The following EFCAB6 variants were observed in gnomAD, a reference collection of about 807,000 sequenced individuals.
The protein encoded by EFCAB6 is EF-hand calcium binding domain 6, also known as EF-hand calcium-binding domain-containing protein 6.
Under a neutral mutation model 169.8 loss-of-function variants are expected in EFCAB6, and 156 were observed. The ratio of observed to expected loss-of-function variants is 0.92; its 90% CI spans 0.81 to 1.05. The LOEUF (loss-of-function observed/expected upper bound fraction) is 1.05, where lower values mean the gene tolerates loss of function less well. Among genes scored for constraint, EFCAB6 ranks in the 50% least tolerant of loss-of-function variants. EFCAB6 has a pLI of 0.00. For synonymous variants in EFCAB6, 698 were observed against 676.4 expected, an observed-to-expected ratio of 1.03 and a Z score of -0.50; for missense variants, 1,800 against 1,829.1, an observed-to-expected ratio of 0.98 and a Z score of 0.29.
intron 27 of EFCAB6, among the ~76,000 whole-genome samples, chr22:43,542,049 A>G (rs1602147953): frequency 6.6e-6 from 1 of 152,270 alleles, no homozygotes. Flanking sequence ...CTCATGGAGC[A>G]GGAGAGGACG....
chr22:43,637,042 G>T (rs1287481603), intron 17 of EFCAB6, among the ~76,000 whole-genome samples: 1 of 152,200 alleles, frequency 6.6e-6, no homozygotes, highest in Non-Finnish European at 1.5e-5. Context: ...CTGCCATGGA[G>T]CCCTGGTGTC....
In EFCAB6 at chr22:43,537,458, C is replaced by T. The variant is rs1192806859; in HGVS notation, c.3967G>A (p.Gly1323Ser). Residue 1323 changes from glycine to serine, a missense_variant, in exon 29 of 32, where the codon GGC (glycine) becomes AGC (serine). Coordinates refer to ENST00000262726, the MANE Select transcript of EFCAB6 (RefSeq NM_022785.4). The surrounding 1 kb of genome is among the most constrained non-coding windows in gnomAD (Gnocchi z 4.3). ...TCTTTCAGGAGCTGGCGCCAGCAGC[C>T]CTGGATTCTCTTCCGGAGCCTGCTC... ...IESRLRKRIQGCWRQLLKECK... is the reference protein window; with the variant it reads ...IESRLRKRIQSCWRQLLKECK... 1.2e-6 allele frequency: 2 copies of T among 1,614,146 alleles called. No individual in the cohort carries two copies. The highest frequency in any genetic ancestry group is 3.3e-5 in the Admixed American group (2 of 60,018).
At chr22:43,637,477 G>A (rs1249385785) in intron 17 of EFCAB6, among the ~76,000 whole-genome samples, 6 of 152,216 alleles carry the variant, frequency 3.9e-5, no homozygotes, top group Non-Finnish European at 8.8e-5. Context: ...CTGTATCTAC[G>A]CTGGTCCAAT....
intron 10 of EFCAB6, 49 bp downstream of exon 10, chr22:43,711,426 C>T (rs200429956): frequency 3.1e-5 from 46 of 1,500,298 alleles, no homozygotes; most frequent in East Asian, 9.5e-5. Context: ...CTTATTCTTA[C>T]GGTTGACGTT....
At chr22:43,565,790 A>T (rs1211429943) in intron 26 of EFCAB6, among the ~76,000 whole-genome samples, 1 of 152,194 alleles carries the variant, frequency 6.6e-6, no homozygotes, top group Non-Finnish European at 1.5e-5. Flanking sequence ...TTCACACAGA[A>T]TAAGAACTCA....
At chr22:43,625,784 A>G (rs1027437409) in intron 20 of EFCAB6, among the ~76,000 whole-genome samples, 1 of 152,260 alleles carries the variant, frequency 6.6e-6, no homozygotes, top group Non-Finnish European at 1.5e-5. Flanking sequence ...ATTCACAGCC[A>G]TCACCTAGCT....
At chr22:43,564,621 T>G (rs1198853234) in intron 26 of EFCAB6, among the ~76,000 whole-genome samples, 1 of 152,134 alleles carries the variant, frequency 6.6e-6, no homozygotes, top group Non-Finnish European at 1.5e-5. Flanking sequence ...AGGTGAGAGT[T>G]AAGCCCAGTG....
chr22:43,769,257 T>C (rs1432457307), intron 4 of EFCAB6, among the ~76,000 whole-genome samples: 2 of 152,216 alleles, frequency 1.3e-5, no homozygotes, highest in Non-Finnish European at 2.9e-5. Context: ...TATGACTCCA[T>C]TGATATGAAA....
At chr22:43,710,633 A>G (rs113410508) in intron 10 of EFCAB6, among the ~76,000 whole-genome samples, 48 of 152,310 alleles carry the variant, frequency 3.2e-4, no homozygotes, top group African/African-American at 1.1e-3. Flanking sequence ...TCCAACCAGT[A>G]AGAGAAGAAG....
rs139256991 is a variant in EFCAB6 at position 43,682,752 on chromosome 22, A to T, written c.1251+995T>A. Among the ~76,000 whole-genome samples the T allele has an allele frequency of 4.9e-3, 749 of 152,340 alleles. 4 individuals carry two copies. Among genetic ancestry groups the T allele is most frequent in the African/African-American group, 0.017 (711 of 41,578 alleles). ...TCAAGAGGATTTAGTGAGTGTATATATCGCCGAATCATTTAAGACGGTGCC... is the reference window on the plus strand; with the variant it reads ...TCAAGAGGATTTAGTGAGTGTATATTTCGCCGAATCATTTAAGACGGTGCC... On this transcript the variant is annotated intron_variant, in intron 12 of 31. Transcript: ENST00000262726.
rs772650705 is a variant in EFCAB6, at chr22:43,683,775, AGT to A, written c.1221_1222del (p.Leu408GlufsTer10). 3 of 1,613,096 alleles carry A rather than the reference AGT, an allele frequency of 1.9e-6. No individual in the cohort carries two copies. The South Asian group carries it at 3.3e-5, about 18-fold the overall frequency. On this transcript the variant is annotated frameshift_variant, in exon 12 of 32. Coordinates refer to ENST00000262726, the MANE Select transcript of EFCAB6 (RefSeq NM_022785.4). LOFTEE classifies it high-confidence loss of function. ...GTTGATTATCAGTAATGCTTTCTTC[AGT>A]GACGCAGAGTGATCTTCAGTGTGTC...
Position 43,537,342 on chromosome 22 carries a change from C to T in EFCAB6, c.4048+35G>A, listed in dbSNP as rs1322275904. The stretch of plus-strand genomic sequence containing the variant: ...AACAGCCTCTTGCCACAGGGGCTGA[C>T]CACATATTACCAAGCAGATAGAATC... On this transcript the variant is annotated intron_variant, in intron 29 of 31. Coordinates refer to ENST00000262726, the MANE Select transcript of EFCAB6 (RefSeq NM_022785.4). The surrounding 1 kb of genome is among the most constrained non-coding windows in gnomAD (Gnocchi z 4.3). 1.9e-6 allele frequency: 3 copies of T among 1,607,248 alleles called. No homozygotes were observed. Among genetic ancestry groups the T allele is most frequent in the Non-Finnish European group, 8.5e-7 (1 of 1,175,446 alleles).
intron 20 of EFCAB6, among the ~76,000 whole-genome samples, chr22:43,617,817 G>GACTCGGCTGGGTGCA (rs1191199202): frequency 6.6e-6 from 1 of 152,048 alleles, no homozygotes; most frequent in Non-Finnish European, 1.5e-5. Flanking sequence ...AAAAACAAGT[G>GACTCGGCTGGGTGCA]ACTCGGCTGG....
rs768585043 is a variant in EFCAB6 at position 43,668,987 on chromosome 22, C to G, written c.1699G>C (p.Ala567Pro). ...SGRILYKKLL[A>P]CIGIDGPPTV... ...GGTGGGCCATCAATTCCTATGCATG[C>G]CAAAAGTTTCTTGTAAAGGATTCTT... Residue 567 changes from alanine (A) to proline (P), a missense_variant, in exon 16 of 32, where the codon GCA becomes CCA. By Grantham distance (27) the Ala-to-Pro change is conservative. Transcript: ENST00000262726. 1.6e-5 allele frequency: 25 copies of G among 1,612,088 alleles called. No individual in the cohort carries two copies. The East Asian group carries it at 5.1e-4, about 33-fold the overall frequency.
At chr22:43,684,121 G>A (rs954076812) in intron 11 of EFCAB6, among the ~76,000 whole-genome samples, 2 of 152,064 alleles carry the variant, frequency 1.3e-5, no homozygotes, top group African/African-American at 4.8e-5. Flanking sequence ...GCACACCTGT[G>A]GTTTTGGTCT....
intron 6 of EFCAB6, among the ~76,000 whole-genome samples, chr22:43,750,385 CTA>C (rs2060716203): frequency 6.6e-6 from 1 of 152,306 alleles, no homozygotes; most frequent in Admixed American, 6.5e-5. Flanking sequence ...TTATTAATCA[CTA>C]TATTCAGTTA....
chr22:43,794,926 A>G (rs2062445607), intron 2 of EFCAB6, among the ~76,000 whole-genome samples: 1 of 152,208 alleles, frequency 6.6e-6, no homozygotes, highest in South Asian at 2.1e-4. Context: ...TCTGAATTCA[A>G]TTTAGCAGAA....
rs527660358 is a variant in EFCAB6, at chr22:43,605,983, G to A, written c.2681+2499C>T. On this transcript the variant is annotated intron_variant, in intron 22 of 31. Transcript: ENST00000262726. ...CTAGGAACTGCACGATTGACCTAAGGGAAAATGAAAAACACGGACACGGGA... is the reference window on the plus strand; with the variant it reads ...CTAGGAACTGCACGATTGACCTAAGAGAAAATGAAAAACACGGACACGGGA... Among the ~76,000 whole-genome samples the A allele has an allele frequency of 5.3e-5, 8 of 152,252 alleles. 2 individuals are homozygous for A. The highest frequency in any genetic ancestry group is 1.9e-4 in the African/African-American group (8 of 41,558).
chr22:43,608,460 A>G (rs1256251473), intron 22 of EFCAB6, 22 bp downstream of exon 22: 1 of 1,609,952 alleles, frequency 6.2e-7, no homozygotes, highest in East Asian at 2.2e-5. Flanking sequence ...ATGGAAACCA[A>G]CCAGTCTCAC....
Sources: gnomAD v4.1 joint callset for allele counts (sites outside exome capture counted in the v4.1 genomes callset) on GRCh38, gnomAD v4.1.1 for gene constraint, Gnocchi (gnomAD v3.1) non-coding constraint, MANE v1.5 for transcripts, NCBI Gene and HGNC (gene_info 2026-07-23, HGNC 2026-07-21) for gene names.